Variants in TSPAN12 observed in about 807,000 individuals in gnomAD.
TSPAN12 encodes the protein tetraspanin-12.
Under a neutral mutation model 39.2 loss-of-function variants are expected in TSPAN12, and 19 were observed. The observed-to-expected ratio is 0.49, with a 90% CI of 0.34 to 0.71. The LOEUF (loss-of-function observed/expected upper bound fraction) is 0.71. TSPAN12 is among the 30% of genes least tolerant of loss of function. The probability of loss-of-function intolerance (pLI) is 0.01; values close to 1 mark genes in which losing one functional copy is unlikely to be tolerated. For synonymous variants in TSPAN12, 119 were observed against 124.8 expected, an observed-to-expected ratio of 0.95 and a Z score of 0.31; for missense variants, 314 against 359.9, an observed-to-expected ratio of 0.87 and a Z score of 1.03.
At chr7:120,807,770 G>C (rs989836201) in intron 6 of TSPAN12, among the ~76,000 whole-genome samples, 4 of 151,954 alleles carry the variant, frequency 2.6e-5, no homozygotes, top group Middle Eastern at 3.4e-3. Context: ...CTAAATGTCT[G>C]ATTTTTAAAC....
At chr7:120,798,983 CTTT>C (rs1165121907) in intron 7 of TSPAN12, among the ~76,000 whole-genome samples, 2 of 152,086 alleles carry the variant, frequency 1.3e-5, no homozygotes, top group Non-Finnish European at 2.9e-5. Context: ...TATCAACCTC[CTTT>C]TTTTGGTGCC....
In TSPAN12 at chr7:120,814,157, T is replaced by C. The variant is rs1399175672; in HGVS notation, c.360+1572A>G. On this transcript the variant is annotated intron_variant, in intron 5 of 7. Coordinates refer to ENST00000222747, the MANE Select transcript of TSPAN12 (RefSeq NM_012338.4). ...TATTCAAAACAGTCTCGAAGCACAA[T>C]AGTAGATTCACCAAAGAATCTTTGA... 2.6e-5 allele frequency: 12 copies of C among 456,192 alleles called. No homozygotes were observed. The East Asian group carries it at 5.6e-4, about 21-fold the overall frequency. The allele number at this position is 456,192 out of a possible 1,614,324, so 28.3% of individuals were successfully genotyped here.
chr7:120,824,344 A>G (rs1794243838), intron 4 of TSPAN12, among the ~76,000 whole-genome samples: 1 of 151,772 alleles, frequency 6.6e-6, no homozygotes, highest in South Asian at 2.1e-4. Context: ...CGAGAGGCTG[A>G]GGCAGGAGAA....
At chr7:120,810,242 G>A (rs1300697228) in intron 6 of TSPAN12, among the ~76,000 whole-genome samples, 4 of 152,108 alleles carry the variant, frequency 2.6e-5, no homozygotes, top group African/African-American at 4.8e-5. Flanking sequence ...TTAAATATAT[G>A]TGAACCATGT....
At chr7:120,798,443 C>T (rs2116314636) in intron 7 of TSPAN12, among the ~76,000 whole-genome samples, 1 of 152,214 alleles carries the variant, frequency 6.6e-6, no homozygotes, top group Non-Finnish European at 1.5e-5. Context: ...GGGGATATTC[C>T]ATCTAAATAA....
At chr7:120,813,611 A>G (rs969396589) in intron 5 of TSPAN12, among the ~76,000 whole-genome samples, 19 of 152,238 alleles carry the variant, frequency 1.2e-4, no homozygotes, top group African/African-American at 4.1e-4. Context: ...CCCATGTTTA[A>G]AATCCACAAG....
intron 7 of TSPAN12, among the ~76,000 whole-genome samples, chr7:120,798,666 C>G (rs1293048244): frequency 6.6e-6 from 1 of 152,150 alleles, no homozygotes; most frequent in African/African-American, 2.4e-5. Flanking sequence ...AAAAAATGCC[C>G]ACATATTATC....
intron 2 of TSPAN12, among the ~76,000 whole-genome samples, chr7:120,850,599 T>G (rs1182600556): frequency 1.3e-5 from 2 of 152,098 alleles, no homozygotes; most frequent in Admixed American, 1.3e-4. Context: ...CAAAAAACAT[T>G]CCTTAAGAAG....
intron 5 of TSPAN12, among the ~76,000 whole-genome samples, chr7:120,811,785 G>C (rs1253246804): frequency 6.6e-6 from 1 of 152,128 alleles, no homozygotes; most frequent in African/African-American, 2.4e-5. Context: ...AATATTCTAA[G>C]TGAAGTAACT....
chr7:120,850,654 T>C (rs569965125), intron 2 of TSPAN12, among the ~76,000 whole-genome samples: 9 of 152,146 alleles, frequency 5.9e-5, no homozygotes, highest in Non-Finnish European at 1.0e-4. Flanking sequence ...ACAATGTATA[T>C]ATAAAAAGGT....
intron 4 of TSPAN12, among the ~76,000 whole-genome samples, chr7:120,819,892 T>C (rs943102557): frequency 1.3e-5 from 2 of 152,158 alleles, no homozygotes; most frequent in East Asian, 1.9e-4. Context: ...GAAGCATCTA[T>C]AAAGCATGAT....
chr7:120,810,624 T>TCA lies in TSPAN12; in HGVS notation c.361-56_361-55dup, dbSNP rs112555207. On this transcript the variant is annotated intron_variant, in intron 5 of 7. Coordinates refer to ENST00000222747, the MANE Select transcript of TSPAN12 (RefSeq NM_012338.4). ...CTGTAGCTCACACACAGACACAGAT[T>TCA]CACACACACACACACACACACACAC... 282,875 of 709,492 alleles carry TCA rather than the reference T, an allele frequency of 0.4. 18,744 individuals are homozygous for TCA. The highest frequency in any genetic ancestry group is 0.48 in the Middle Eastern group (1,885 of 3,936). The allele number at this position is 709,492 out of a possible 1,614,324, so 43.9% of individuals were successfully genotyped here.
chr7:120,835,873 A>C (rs1794466412), intron 4 of TSPAN12, among the ~76,000 whole-genome samples: 1 of 152,242 alleles, frequency 6.6e-6, no homozygotes, highest in Admixed American at 6.5e-5. Flanking sequence ...AGCAAGAATA[A>C]ATGTAGAGAA....
chr7:120,835,733 G>T (rs188367020), intron 4 of TSPAN12, among the ~76,000 whole-genome samples: 1 of 152,248 alleles, frequency 6.6e-6, no homozygotes, highest in East Asian at 1.9e-4. Flanking sequence ...AAGTACTCAA[G>T]AAATGTTAAC....
chr7:120,843,211 T>TA (rs1794611191), intron 2 of TSPAN12, among the ~76,000 whole-genome samples: 1 of 152,208 alleles, frequency 6.6e-6, no homozygotes, highest in African/African-American at 2.4e-5. Flanking sequence ...ATAAAAGTTA[T>TA]AAGTGAGTCA....
At position 120,815,823 on chromosome 7, in the gene TSPAN12, T is replaced by C; in HGVS notation, c.286-20A>G. On this transcript the variant is annotated intron_variant, in intron 4 of 7. Coordinates refer to ENST00000222747, the MANE Select transcript of TSPAN12 (RefSeq NM_012338.4). Reference sequence around the variant, plus strand: ...AAAGTACTGTAGAAAAACAGAAAAGTATGCTGTTATAGTATCAGAATAAAA... The same window carrying C: ...AAAGTACTGTAGAAAAACAGAAAAGCATGCTGTTATAGTATCAGAATAAAA... 6.2e-7 allele frequency: 1 copy of C among 1,600,030 alleles called. No homozygotes were observed. Among genetic ancestry groups the C allele is most frequent in the Non-Finnish European group, 8.5e-7 (1 of 1,171,088 alleles).
chr7:120,824,613 G>A (rs1197009167), intron 4 of TSPAN12, among the ~76,000 whole-genome samples: 1 of 152,064 alleles, frequency 6.6e-6, no homozygotes, highest in Non-Finnish European at 1.5e-5. Context: ...GCCTCTCAAT[G>A]AATGAAAAAG....
At chr7:120,814,403 T>C (rs2116383430) in intron 5 of TSPAN12, among the ~76,000 whole-genome samples, 1 of 152,332 alleles carries the variant, frequency 6.6e-6, no homozygotes, top group Non-Finnish European at 1.5e-5. Flanking sequence ...ACATCTGGGC[T>C]GGAGCCCAAT....
rs1317167090 is a variant in TSPAN12 at position 120,788,778 on chromosome 7, CA to C, written c.731del (p.Leu244ArgfsTer17). 6.2e-7 allele frequency: 1 copy of C among 1,614,134 alleles called. No homozygotes were observed. Among genetic ancestry groups the C allele is most frequent in the Admixed American group, 1.7e-5 (1 of 60,016 alleles). ...QILAMILTITLLWALYYDRRE... is the reference protein window; with the variant it reads ...QILAMILTITXLWALYYDRRE... The stretch of plus-strand genomic sequence containing the variant: ...TTCTATCATAATACAGAGCCCAGAG[CA>C]GAGTAATGGTGAGAATCATGGCCAG... On this transcript the variant is annotated frameshift_variant, in exon 8 of 8. Transcript: ENST00000222747. LOFTEE classifies it high-confidence loss of function.
Sources: gnomAD v4.1 joint callset for allele counts (sites outside exome capture counted in the v4.1 genomes callset) on GRCh38, gnomAD v4.1.1 for gene constraint, MANE v1.5 for transcripts, NCBI Gene and HGNC (gene_info 2026-07-23, HGNC 2026-07-21) for gene names.